Variants in HAGH observed in about 807,000 individuals in gnomAD.
HAGH encodes hydroxyacylglutathione hydrolase.
A neutral mutation model predicts 35.1 loss-of-function variants in HAGH; 29 were observed. The observed-to-expected ratio is 0.83, with a 90% CI of 0.62 to 1.13. HAGH has a LOEUF of 1.13. HAGH is among the 50% of genes most tolerant of loss of function. The pLI is 0.00. For missense variants in HAGH, 478 were observed against 419.6 expected, an observed-to-expected ratio of 1.14 and a Z score of -1.22; for synonymous variants, 225 against 176.1, an observed-to-expected ratio of 1.28 and a Z score of -2.20.
intron 1 of HAGH, among the ~76,000 whole-genome samples, chr16:1,823,456 G>C (rs985885941): frequency 6.6e-6 from 1 of 151,788 alleles, no homozygotes; most frequent in African/African-American, 2.4e-5. Flanking sequence ...TTTTAGTAGA[G>C]ACGGGTTTCA....
intron 5 of HAGH, 103 bp downstream of exon 5, chr16:1,819,012 G>A (rs1032596842): frequency 2.8e-5 from 20 of 707,428 alleles, no homozygotes; most frequent in East Asian, 1.1e-4. Context: ...CCCTCACACC[G>A]GTGCAACAGA....
chr16:1,819,592 A>G (rs2142042262), intron 4 of HAGH, among the ~76,000 whole-genome samples: 1 of 152,286 alleles, frequency 6.6e-6, no homozygotes, highest in South Asian at 2.1e-4. Context: ...ACACCCTCAA[A>G]AAGGCTGAAG....
chr16:1,809,417 G>T (rs368217046), intron 8 of HAGH, 35 bp from the exon 9 acceptor site: 2 of 1,558,068 alleles, frequency 1.3e-6, no homozygotes, highest in Non-Finnish European at 1.8e-6. Context: ...AGGCTGTGCC[G>T]AGCCACGCCC....
chr16:1,823,255 G>T (rs935058891), intron 1 of HAGH, among the ~76,000 whole-genome samples: 2 of 149,092 alleles, frequency 1.3e-5, no homozygotes, highest in Non-Finnish European at 3.0e-5. Context: ...AACATAGCAA[G>T]ACCTTGTCTT....
chr16:1,822,172 A>C, intron 3 of HAGH, 128 bp downstream of exon 3: 2 of 674,822 alleles, frequency 3.0e-6, no homozygotes, highest in Non-Finnish European at 5.4e-6. Flanking sequence ...CTTTCTCAGA[A>C]GTCTGCTGGG....
At position 1,808,834 on chromosome 16, in the gene HAGH, T is replaced by C. The variant is rs911164726; in HGVS notation, c.*449A>G. The C allele has an allele frequency of 6.4e-6, 1 of 156,112 alleles. No homozygotes were observed. The highest frequency in any genetic ancestry group is 1.4e-5 in the Non-Finnish European group (1 of 70,910). The allele number at this position is 156,112 out of a possible 1,614,324, so 9.7% of individuals were successfully genotyped here. On this transcript the variant is annotated 3_prime_UTR_variant, in exon 9 of 9. Transcript: ENST00000397356. ...GGAGCACTGCCTGGAGGTCGCGCGA[T>C]CTGGCCGCCTCCAGGAAGAAGACGC... is the stretch of plus-strand genomic sequence containing the variant.
At chr16:1,820,055 AGGGGGCTGCCTGCTG>A (rs1898082546) in intron 3 of HAGH, 41 bp from the exon 4 acceptor site, 1 of 272,472 alleles carries the variant, frequency 3.7e-6, no homozygotes, top group Non-Finnish European at 5.5e-6. Context: ...TGCTGAGCTG[AGGGGGCTGCCTGCTG>A]AGCTGAGGGG....
chr16:1,819,353 G>C lies in HAGH; in HGVS notation c.433-130C>G, dbSNP rs1374123447. The C allele has an allele frequency of 4.8e-6, 3 of 620,540 alleles. No homozygotes were observed. The African/African-American group carries it at 5.5e-5, about 11-fold the overall frequency. 38.4% of individuals were successfully genotyped at this position (620,540 alleles called of 1,614,324 possible). On this transcript the variant is annotated intron_variant, in intron 4 of 8. Transcript: ENST00000397356. Reference sequence around the variant, plus strand: ...GGGAAATGCCCGTGAAGGTGGGGCAGGTGCTCCCCACCACGGGACTGGGGG... The same window carrying C: ...GGGAAATGCCCGTGAAGGTGGGGCACGTGCTCCCCACCACGGGACTGGGGG...
upstream of HAGH, chr16:1,827,051 T>C: frequency 2.3e-6 from 2 of 858,700 alleles, no homozygotes; most frequent in East Asian, 5.7e-5. Context: ...TCCGCCTCTT[T>C]TTTGGCACCG....
chr16:1,818,899 C>G (rs1429959273), intron 5 of HAGH: 12 of 570,878 alleles, frequency 2.1e-5, no homozygotes, highest in Non-Finnish European at 3.5e-5. Context: ...GCCAGCACAG[C>G]CCTTGCTGCA....
At chr16:1,811,967 G>A (rs964613471) in intron 7 of HAGH, among the ~76,000 whole-genome samples, 1 of 152,038 alleles carries the variant, frequency 6.6e-6, no homozygotes, top group Non-Finnish European at 1.5e-5. Context: ...AAGGCAGGAG[G>A]ATCACTTGAG....
chr16:1,812,697 G>A (rs1897713479), intron 7 of HAGH, among the ~76,000 whole-genome samples: 1 of 152,142 alleles, frequency 6.6e-6, no homozygotes, highest in Non-Finnish European at 1.5e-5. Context: ...TCTTAGATGG[G>A]AGACAAAAAA....
intron 3 of HAGH, 92 bp from the exon 4 acceptor site, chr16:1,820,106 C>A: frequency 1.3e-6 from 1 of 756,000 alleles, no homozygotes. Flanking sequence ...GAGGGGCTGC[C>A]TGCTGCTCTT....
At chr16:1,826,993 C>A (rs1448618491), upstream of HAGH, 4 of 634,084 alleles carry the variant, frequency 6.3e-6, no homozygotes, top group Non-Finnish European at 1.0e-5. Flanking sequence ...GGCCTGGGAG[C>A]GGCGGCGGCG....
Position 1,809,197 on chromosome 16 carries a change from AGACTGAATTTCCCGCACG to A in HAGH, c.*68_*85del. 1.1e-6 allele frequency: 1 copy of A among 876,290 alleles called. No homozygotes were observed. The highest frequency in any genetic ancestry group is 1.8e-6 in the Non-Finnish European group (1 of 545,080). 54.3% of individuals were successfully genotyped at this position (876,290 alleles called of 1,614,324 possible). On this transcript the variant is annotated 3_prime_UTR_variant, in exon 9 of 9. Coordinates refer to ENST00000397356, the MANE Select transcript of HAGH (RefSeq NM_005326.6). ...GGGCTGTAAAATTAAGGTTAAATCA[AGACTGAATTTCCCGCACG>A]GACCAGCAGGAAAGCCAGTTACCTA...
upstream of HAGH, chr16:1,827,083 G>A (rs1898476385): frequency 8.7e-7 from 1 of 1,152,898 alleles, no homozygotes; most frequent in South Asian, 1.6e-5. Flanking sequence ...CCTGGAGGCC[G>A]AGCGCCACGC....
intron 2 of HAGH, 148 bp from the exon 3 acceptor site, chr16:1,822,512 C>A: frequency 1.4e-6 from 1 of 701,634 alleles, no homozygotes. Context: ...TTGCCCTGCT[C>A]CAGGAGAGCC....
At position 1,823,001 on chromosome 16, in the gene HAGH, A is replaced by G; in HGVS notation, c.113T>C (p.Leu38Ser). 6.2e-7 allele frequency: 1 copy of G among 1,613,950 alleles called. No individual in the cohort carries two copies. Among genetic ancestry groups the G allele is most frequent in the Non-Finnish European group, 8.5e-7 (1 of 1,180,018 alleles). ...CTCGTCCACGGTCAGGTTCTTCCGCAAATCTGTGTGGCAGAAAACTCCCAG... is the reference window on the plus strand; with the variant it reads ...CTCGTCCACGGTCAGGTTCTTCCGCGAATCTGTGTGGCAGAAAACTCCCAG... Reference protein sequence around the residue: ...ALLGVFCHTDLRKNLTVDEGT... With the variant: ...ALLGVFCHTDSRKNLTVDEGT... The change falls in exon 2 of 9, where the codon TTG becomes TCG. Residue 38 changes from leucine (L) to serine (S), a missense_variant. Coordinates refer to ENST00000397356, the MANE Select transcript of HAGH (RefSeq NM_005326.6).
chr16:1,808,234 A>C lies in HAGH; in HGVS notation c.*1049T>G, dbSNP rs1336066465. 1 of 152,154 alleles carries C rather than the reference A, an allele frequency of 6.6e-6. No homozygotes were observed. The highest frequency in any genetic ancestry group is 1.5e-5 in the Non-Finnish European group (1 of 68,054). 9.4% of individuals were successfully genotyped at this position (152,154 alleles called of 1,614,324 possible). The stretch of plus-strand genomic sequence containing the variant: ...GCGATCCTCCTGCCTCAGCCTCCTG[A>C]GTAGCTAGGACTACAGCTGCACACC... On this transcript the variant is annotated 3_prime_UTR_variant, in exon 9 of 9. Transcript: ENST00000397356.
Sources: allele counts gnomAD v4.1 joint callset (sites outside exome capture counted in the v4.1 genomes callset), GRCh38; gene constraint gnomAD v4.1.1; transcripts MANE v1.5; gene names NCBI Gene and HGNC (gene_info 2026-07-23, HGNC 2026-07-21).